The following ASB18 variants were observed in gnomAD, a reference collection of about 807,000 sequenced individuals.
ASB18 encodes the protein ankyrin repeat and SOCS box protein 18.
ASB18 carries 33 observed loss-of-function variants against 33.4 expected under a neutral mutation model. The observed-to-expected ratio is 0.99, with a 90% CI of 0.75 to 1.32. The LOEUF is 1.32. Ranked by LOEUF, ASB18 falls within the 40% of genes most tolerant of loss-of-function variation. ASB18 has a pLI of 0.00. For synonymous variants in ASB18, 295 were observed against 307.6 expected, an observed-to-expected ratio of 0.96 and a Z score of 0.43; for missense variants, 694 against 655.5, an observed-to-expected ratio of 1.06 and a Z score of -0.64.
rs2060726898 is a variant in ASB18, at chr2:236,262,999, A to G, written c.205+1142T>C. 6.6e-6 allele frequency among the ~76,000 whole-genome samples: 1 copy of G among 152,136 alleles called. No individual in the cohort carries two copies. The highest frequency in any genetic ancestry group is 6.5e-5 in the Admixed American group (1 of 15,286). ...CATGTCCCATCTGTGTTCCTCCTGC[A>G]TGTTGCGCACACGTGTGCATGTGAT... On this transcript the variant is annotated intron_variant, in intron 1 of 5. Transcript: ENST00000409749. This position sits in a 1 kb window ranked among gnomAD's most constrained non-coding sequence, Gnocchi z 5.2.
At position 236,214,560 on chromosome 2, in the gene ASB18, G is replaced by T. The variant is rs1194579099; in HGVS notation, c.903C>A (p.Cys301Ter). 7.2e-7 allele frequency: 1 copy of T among 1,390,596 alleles called. No individual in the cohort carries two copies. The highest frequency in any genetic ancestry group is 9.2e-7 in the Non-Finnish European group (1 of 1,084,884). 86.1% of individuals were successfully genotyped at this position (1,390,596 alleles called of 1,614,324 possible). A position where few individuals can be genotyped will look rare whatever the true frequency, so the allele number is the denominator to read the frequency against. ...EDERSPLHKA[C>*]GHASHSLARL... ...GCGCCAGGCTGTGGCTCGCGTGGCCGCAGGCTTTGTGCAGCGGGCTGCGCT... is the reference window on the plus strand; with the variant it reads ...GCGCCAGGCTGTGGCTCGCGTGGCCTCAGGCTTTGTGCAGCGGGCTGCGCT... The change falls in exon 4 of 6, where the codon TGC becomes TGA. Residue 301 changes from cysteine (C) to a stop codon, truncating the protein, a stop_gained. Transcript: ENST00000409749. LOFTEE classifies it high-confidence loss of function. The surrounding 1 kb of genome is among the most constrained non-coding windows in gnomAD (Gnocchi z 6.5).
At chr2:236,199,260 A>G (rs1475714611) in intron 4 of ASB18, among the ~76,000 whole-genome samples, 2 of 151,972 alleles carry the variant, frequency 1.3e-5, no homozygotes, top group Non-Finnish European at 2.9e-5. Context: ...AAAAATACAA[A>G]AATTAGCCAG....
intron 1 of ASB18, chr2:236,254,264 G>C (rs1304307918): frequency 6.6e-6 from 1 of 152,196 alleles, no homozygotes; most frequent in Non-Finnish European, 1.5e-5. Context: ...GTGGGAAGAA[G>C]TGTTACATGA....
Position 236,237,908 on chromosome 2 carries a change from A to T in ASB18, c.377T>A (p.Ile126Asn). The stretch of plus-strand genomic sequence containing the variant: ...GGCGGTGTGGCCGTGGGCCGCGGCG[A>T]TGCACAGGGGCGTGGTGAGCTCACG... ...YKRELTTPLCIAAAHGHTACV... is the reference protein window; with the variant it reads ...YKRELTTPLCNAAAHGHTACV... The change falls in exon 3 of 6, where the codon ATC becomes AAC. Residue 126 changes from isoleucine to asparagine, a missense_variant. Physicochemically the swap from Ile to Asn is moderately radical, Grantham distance 149. Transcript: ENST00000409749. The surrounding 1 kb of genome is among the most constrained non-coding windows in gnomAD (Gnocchi z 6.2). 3 of 1,502,982 alleles carry T rather than the reference A, an allele frequency of 2.0e-6. No homozygotes were observed. Among genetic ancestry groups the T allele is most frequent in the Non-Finnish European group, 2.6e-6 (3 of 1,132,628 alleles). 93.1% of individuals were successfully genotyped at this position (1,502,982 alleles called of 1,614,324 possible). A position where few individuals can be genotyped will look rare whatever the true frequency, so the allele number is the denominator to read the frequency against.
At chr2:236,207,677 G>C (rs1360218139) in intron 4 of ASB18, among the ~76,000 whole-genome samples, 4 of 152,226 alleles carry the variant, frequency 2.6e-5, no homozygotes, top group African/African-American at 7.2e-5. Context: ...GGTTTGCCCG[G>C]TGGACTTGAG....
rs1368179221 is a variant in ASB18, at chr2:236,205,216, C to T, written c.1102-8831G>A. On this transcript the variant is annotated intron_variant, in intron 4 of 5. Transcript: ENST00000409749. The surrounding 1 kb of genome is among the most constrained non-coding windows in gnomAD (Gnocchi z 5.4). ...TTACAATGTCCTGTAAGACCCCACACAACCTGTGCCCTCTCCCTTACCACC... is the reference window on the plus strand; with the variant it reads ...TTACAATGTCCTGTAAGACCCCACATAACCTGTGCCCTCTCCCTTACCACC... Among the ~76,000 whole-genome samples, 1 of 152,222 alleles carries T rather than the reference C, an allele frequency of 6.6e-6. No homozygotes were observed. The highest frequency in any genetic ancestry group is 1.5e-5 in the Non-Finnish European group (1 of 68,032).
rs2060427458 is a variant in ASB18 at position 236,205,272 on chromosome 2, A to G, written c.1102-8887T>C. 6.6e-6 allele frequency among the ~76,000 whole-genome samples: 1 copy of G among 151,898 alleles called. No individual in the cohort carries two copies. The highest frequency in any genetic ancestry group is 6.6e-5 in the Admixed American group (1 of 15,234). On this transcript the variant is annotated intron_variant, in intron 4 of 5. Coordinates refer to ENST00000409749, the MANE Select transcript of ASB18 (RefSeq NM_212556.4). This position sits in a 1 kb window ranked among gnomAD's most constrained non-coding sequence, Gnocchi z 5.4. The stretch of plus-strand genomic sequence containing the variant: ...TCTCATCTCCTACTCCCATCCCACT[A>G]GCTCCTTCCATCTCCGGCCACACTG...
In ASB18 at chr2:236,211,862, C is replaced by G. The variant is rs2060460127; in HGVS notation, c.1101+2500G>C. Among the ~76,000 whole-genome samples, 1 of 152,122 alleles carries G rather than the reference C, an allele frequency of 6.6e-6. No homozygotes were observed. ...TCCTCATCCACCATCCTCTCCTGGC[C>G]AGGTGTAGGGGTACCCACTGGAGGT... On this transcript the variant is annotated intron_variant, in intron 4 of 5. Transcript: ENST00000409749. This position sits in a 1 kb window ranked among gnomAD's most constrained non-coding sequence, Gnocchi z 5.0.
In ASB18 at chr2:236,256,624, G is replaced by A. The variant is rs1362887627; in HGVS notation, c.205+7517C>T. Among the ~76,000 whole-genome samples, 1 of 152,128 alleles carries A rather than the reference G, an allele frequency of 6.6e-6. No individual in the cohort carries two copies. The highest frequency in any genetic ancestry group is 1.5e-5 in the Non-Finnish European group (1 of 68,020). The stretch of plus-strand genomic sequence containing the variant: ...TTTCCAAACTCTCCAGTGTGCTTGG[G>A]GATGATGTTAATAGATGGATGTCAT... On this transcript the variant is annotated intron_variant, in intron 1 of 5. Transcript: ENST00000409749. This position sits in a 1 kb window ranked among gnomAD's most constrained non-coding sequence, Gnocchi z 4.7.
Position 236,259,696 on chromosome 2 carries a change from G to C in ASB18, c.205+4445C>G, listed in dbSNP as rs2106287502. On this transcript the variant is annotated intron_variant, in intron 1 of 5. Coordinates refer to ENST00000409749, the MANE Select transcript of ASB18 (RefSeq NM_212556.4). The surrounding 1 kb of genome is among the most constrained non-coding windows in gnomAD (Gnocchi z 4.4). ...GGGCTCAGCCTCAGTGAGCCCAGCA[G>C]GATGTTGGGCATCTCAGGTCCATCC... 2.3e-6 allele frequency: 1 copy of C among 427,538 alleles called. No individual in the cohort carries two copies. The highest frequency in any genetic ancestry group is 2.0e-5 in the African/African-American group (1 of 49,658). 26.5% of individuals were successfully genotyped at this position (427,538 alleles called of 1,614,324 possible).
chr2:236,246,212 G>A (rs1005893618), intron 1 of ASB18, among the ~76,000 whole-genome samples: 1 of 151,918 alleles, frequency 6.6e-6, no homozygotes, highest in African/African-American at 2.4e-5. Flanking sequence ...AATTAGCCTG[G>A]TGTGGTGGCA....
At position 236,194,935 on chromosome 2, in the gene ASB18, C is replaced by G. The variant is rs1339763859; in HGVS notation, c.1338G>C (p.Leu446=). 1 of 1,613,718 alleles carries G rather than the reference C, an allele frequency of 6.2e-7. No homozygotes were observed. Among genetic ancestry groups the G allele is most frequent in the Non-Finnish European group, 8.5e-7 (1 of 1,179,850 alleles). Residue 446 remains leucine (L), a synonymous_variant, in exon 6 of 6, where the codon CTG becomes CTC. Transcript: ENST00000409749. This position sits in a 1 kb window ranked among gnomAD's most constrained non-coding sequence, Gnocchi z 4.5. ...FGKRCFDLIP[L]LPLPKPLQNY... ...TCTGCAGGGGCTTTGGCAAGGGTAACAGGGGGATGAGGTCAAAGCACCTTT... is the reference window on the plus strand; with the variant it reads ...TCTGCAGGGGCTTTGGCAAGGGTAAGAGGGGGATGAGGTCAAAGCACCTTT...
Position 236,215,763 on chromosome 2 carries a change from C to T in ASB18, c.597-897G>A, listed in dbSNP as rs934820055. Among the ~76,000 whole-genome samples, 5 of 152,146 alleles carry T rather than the reference C, an allele frequency of 3.3e-5. No homozygotes were observed. The highest frequency in any genetic ancestry group is 1.2e-4 in the African/African-American group (5 of 41,434). ...CCTCTGCCCTCCGCTGGTCCTTGTC[C>T]TTCATGGACACGGAAAAACACAAGC... On this transcript the variant is annotated intron_variant, in intron 3 of 5. Transcript: ENST00000409749. The surrounding 1 kb of genome is among the most constrained non-coding windows in gnomAD (Gnocchi z 7.2).
chr2:236,196,421 A>C lies in ASB18; in HGVS notation c.1102-36T>G. 2 of 1,200,362 alleles carry C rather than the reference A, an allele frequency of 1.7e-6. No individual in the cohort carries two copies. Among genetic ancestry groups the C allele is most frequent in the Non-Finnish European group, 2.4e-6 (2 of 830,296 alleles). The allele number at this position is 1,200,362 out of a possible 1,614,324, so 74.4% of individuals were successfully genotyped here. A position where few individuals can be genotyped will look rare whatever the true frequency, so the allele number is the denominator to read the frequency against. On this transcript the variant is annotated intron_variant, in intron 4 of 5. Coordinates refer to ENST00000409749, the MANE Select transcript of ASB18 (RefSeq NM_212556.4). This position sits in a 1 kb window ranked among gnomAD's most constrained non-coding sequence, Gnocchi z 5.6. ...GAGGTGAAAGACGCAGCGTAGGCCG[A>C]CTGGGTTCTGGGTCTCAGTGGGGAA...
chr2:236,198,629 G>C (rs1020316632), intron 4 of ASB18, among the ~76,000 whole-genome samples: 3 of 152,146 alleles, frequency 2.0e-5, no homozygotes, highest in Non-Finnish European at 4.4e-5. Context: ...GCCTCCCAAA[G>C]TGCTGGGATT....
At chr2:236,212,333 G>C (rs1465394266) in intron 4 of ASB18, among the ~76,000 whole-genome samples, 2 of 152,166 alleles carry the variant, frequency 1.3e-5, no homozygotes, top group African/African-American at 4.8e-5. Context: ...TCTAGTCAAG[G>C]CAGTGTAATT....
intron 4 of ASB18, among the ~76,000 whole-genome samples, chr2:236,207,545 G>C (rs1340366985): frequency 6.6e-6 from 1 of 152,150 alleles, no homozygotes; most frequent in Non-Finnish European, 1.5e-5. Context: ...TTTGATTAAG[G>C]AGAGAACCAG....
chr2:236,237,066 GC>G lies in ASB18; in HGVS notation c.596+622del, dbSNP rs1238882645. On this transcript the variant is annotated intron_variant, in intron 3 of 5. Transcript: ENST00000409749. This position sits in a 1 kb window ranked among gnomAD's most constrained non-coding sequence, Gnocchi z 6.2. ...AGACCCCGCGCCCGGGCGCGAACTA[GC>G]TGAGCGGCCGCTGGGCCTCCCTAGA... Among the ~76,000 whole-genome samples the G allele has an allele frequency of 6.6e-6, 1 of 152,096 alleles. No homozygotes were observed. Among genetic ancestry groups the G allele is most frequent in the African/African-American group, 2.4e-5 (1 of 41,442 alleles).
intron 3 of ASB18, among the ~76,000 whole-genome samples, chr2:236,227,913 T>G (rs2060548179): frequency 6.6e-6 from 1 of 152,236 alleles, no homozygotes; most frequent in Non-Finnish European, 1.5e-5. Flanking sequence ...GCAAGCATTT[T>G]GAGGGCAGGG....
Sources: gnomAD v4.1 joint callset for allele counts (sites outside exome capture counted in the v4.1 genomes callset) on GRCh38, gnomAD v4.1.1 for gene constraint, Gnocchi (gnomAD v3.1) non-coding constraint, MANE v1.5 for transcripts, NCBI Gene and HGNC (gene_info 2026-07-23, HGNC 2026-07-21) for gene names.